The following AUTS2 variants were observed in gnomAD, a reference collection of about 807,000 sequenced individuals.
AUTS2 encodes the protein activator of transcription and developmental regulator AUTS2.
AUTS2 carries 17 observed loss-of-function variants against 112.4 expected under a neutral mutation model. The observed-to-expected ratio is 0.15, with a 90% CI of 0.10 to 0.23. The LOEUF is 0.23. Ranked by LOEUF, AUTS2 falls within the 10% of genes least tolerant of loss-of-function variation. The pLI, the probability that AUTS2 is intolerant of heterozygous loss-of-function variation, is 1.00. For missense variants in AUTS2, 1,510 were observed against 1,701.6 expected (o/e 0.89, Z 1.98); for synonymous variants, 751 against 702.7 (o/e 1.07, Z -1.09).
chr7:70,179,175 T>C (rs1257848872), intron 4 of AUTS2, among the ~76,000 whole-genome samples: 2 of 152,198 alleles, frequency 1.3e-5, no homozygotes, highest in African/African-American at 2.4e-5. Flanking sequence ...TGATCGGTTG[T>C]ACCCAGCCAA....
chr7:69,748,996 G>A (rs936960852), intron 1 of AUTS2, among the ~76,000 whole-genome samples: 8 of 152,118 alleles, frequency 5.3e-5, no homozygotes, highest in Admixed American at 1.3e-4. Context: ...GCATGGACTT[G>A]GACACAGATA....
intron 18 of AUTS2, among the ~76,000 whole-genome samples, chr7:70,788,841 T>A (rs1163773004): frequency 6.6e-6 from 1 of 152,254 alleles, no homozygotes; most frequent in Non-Finnish European, 1.5e-5. Context: ...TTGCCATATC[T>A]GTCTTGGCAC....
intron 1 of AUTS2, among the ~76,000 whole-genome samples, chr7:69,866,009 C>T (rs1793215483): frequency 6.6e-6 from 1 of 152,154 alleles, no homozygotes; most frequent in Non-Finnish European, 1.5e-5. Flanking sequence ...ATGAGTTCTA[C>T]CTTTTTCTTG....
At chr7:70,298,052 G>T (rs1172603354) in intron 4 of AUTS2, among the ~76,000 whole-genome samples, 1 of 151,686 alleles carries the variant, frequency 6.6e-6, no homozygotes, top group Non-Finnish European at 1.5e-5. Context: ...TGTTTTTTGA[G>T]ACGGAATCTC....
At chr7:69,689,717 G>A (rs910064185) in intron 1 of AUTS2, among the ~76,000 whole-genome samples, 4 of 149,466 alleles carry the variant, frequency 2.7e-5, no homozygotes, top group African/African-American at 4.9e-5. Flanking sequence ...TCTCTCTGTC[G>A]GCCAGGCTGG....
chr7:70,405,185 A>T (rs1391897307), intron 4 of AUTS2, among the ~76,000 whole-genome samples: 4 of 152,232 alleles, frequency 2.6e-5, no homozygotes, highest in Admixed American at 2.6e-4. Context: ...AGCTATATTT[A>T]TGTGCTAAGA....
chr7:69,919,425 G>A, intron 2 of AUTS2, among the ~76,000 whole-genome samples: 1 of 152,170 alleles, frequency 6.6e-6, no homozygotes, highest in East Asian at 1.9e-4. Flanking sequence ...TTATGGCCAC[G>A]ACTTTGAATT....
intron 2 of AUTS2, among the ~76,000 whole-genome samples, chr7:69,946,086 A>T (rs2129545422): frequency 6.6e-6 from 1 of 152,222 alleles, no homozygotes; most frequent in East Asian, 1.9e-4. Flanking sequence ...GCCTCAAGTG[A>T]TCCTCTCATC....
intron 1 of AUTS2, among the ~76,000 whole-genome samples, chr7:69,829,223 CT>C (rs1791390104): frequency 6.6e-6 from 1 of 152,142 alleles, no homozygotes; most frequent in African/African-American, 2.4e-5. Context: ...TTTCCTTACA[CT>C]TTATATAAAA....
intron 1 of AUTS2, among the ~76,000 whole-genome samples, chr7:69,654,353 G>A (rs1795422757): frequency 6.6e-6 from 1 of 152,216 alleles, no homozygotes; most frequent in African/African-American, 2.4e-5. Context: ...CCAAGGGGAA[G>A]GAGAGCACAG....
At chr7:69,649,602 A>G (rs980301353) in intron 1 of AUTS2, among the ~76,000 whole-genome samples, 5 of 151,772 alleles carry the variant, frequency 3.3e-5, no homozygotes, top group Admixed American at 6.6e-5. Context: ...TTTCTCCCTC[A>G]TTCCTATGTA....
At chr7:70,438,942 G>A (rs1796010377) in intron 5 of AUTS2, among the ~76,000 whole-genome samples, 1 of 152,208 alleles carries the variant, frequency 6.6e-6, no homozygotes, top group African/African-American at 2.4e-5. Flanking sequence ...TTACTCCATA[G>A]GGATCTGCAG....
chr7:70,527,557 C>T (rs190280818), intron 5 of AUTS2, among the ~76,000 whole-genome samples: 2 of 152,030 alleles, frequency 1.3e-5, no homozygotes, highest in East Asian at 1.9e-4. Context: ...ACCCCATAGC[C>T]GTAGATCAAA....
intron 4 of AUTS2, among the ~76,000 whole-genome samples, chr7:70,234,909 T>G (rs987972728): frequency 2.5e-4 from 38 of 152,290 alleles, no homozygotes; most frequent in Non-Finnish European, 4.1e-4. Context: ...GGTAATGTCC[T>G]TAATGAGATG....
chr7:70,065,703 A>T (rs910137593), intron 2 of AUTS2, among the ~76,000 whole-genome samples: 21 of 151,778 alleles, frequency 1.4e-4, no homozygotes, highest in Middle Eastern at 3.2e-3. Flanking sequence ...ATCTCAAAAA[A>T]ATATATATAT....
At chr7:70,371,054 G>A (rs1399886842) in intron 4 of AUTS2, among the ~76,000 whole-genome samples, 1 of 152,126 alleles carries the variant, frequency 6.6e-6, no homozygotes, top group Non-Finnish European at 1.5e-5. Context: ...GAAGGAATTG[G>A]ACGCAGCCTT....
intron 5 of AUTS2, among the ~76,000 whole-genome samples, chr7:70,469,030 C>A (rs1478815059): frequency 1.3e-5 from 2 of 152,146 alleles, no homozygotes; most frequent in African/African-American, 4.8e-5. Flanking sequence ...TATTCTGCAC[C>A]AAAGTTGCAG....
intron 2 of AUTS2, among the ~76,000 whole-genome samples, chr7:69,957,619 C>T (rs538121845): frequency 6.6e-6 from 1 of 151,946 alleles, no homozygotes; most frequent in African/African-American, 2.4e-5. Flanking sequence ...ATAAAGATTC[C>T]TAATTAAAAA....
At chr7:70,243,769 T>C (rs1273299145) in intron 4 of AUTS2, among the ~76,000 whole-genome samples, 1 of 152,144 alleles carries the variant, frequency 6.6e-6, no homozygotes, top group Non-Finnish European at 1.5e-5. Context: ...AGGGTAATGC[T>C]ACAAATCTTT....
Sources: allele counts gnomAD v4.1 joint callset (sites outside exome capture counted in the v4.1 genomes callset), GRCh38; gene constraint gnomAD v4.1.1; transcripts MANE v1.5; gene names NCBI Gene and HGNC (gene_info 2026-07-23, HGNC 2026-07-21).